The following STAG1 variants were observed in gnomAD, a reference collection of about 807,000 sequenced individuals.
STAG1 encodes cohesin subunit SA-1.
STAG1 carries 26 observed loss-of-function variants against 170.9 expected under a neutral mutation model. That is an observed-to-expected ratio of 0.15 (90% CI 0.11 to 0.21). The LOEUF (loss-of-function observed/expected upper bound fraction) is 0.21, where lower values mean the gene tolerates loss of function less well. Ranked by LOEUF, STAG1 falls within the 10% of genes least tolerant of loss-of-function variation. The pLI is 1.00. For missense variants in STAG1, 964 were observed against 1,509.5 expected, an observed-to-expected ratio of 0.64 and a Z score of 5.99; for synonymous variants, 514 against 497.7, an observed-to-expected ratio of 1.03 and a Z score of -0.44.
chr3:136,572,446 A>T (rs1056311561), intron 4 of STAG1, among the ~76,000 whole-genome samples: 4 of 151,790 alleles, frequency 2.6e-5, no homozygotes, highest in African/African-American at 9.7e-5. Flanking sequence ...TCCACGAATT[A>T]GTCAGGTGTG....
intron 16 of STAG1, among the ~76,000 whole-genome samples, chr3:136,432,524 G>GT: frequency 7.0e-6 from 1 of 143,072 alleles, no homozygotes; most frequent in South Asian, 2.4e-4. Flanking sequence ...TGGGGGGGGG[G>GT]GGGCACAGAG....
chr3:136,409,950 G>A (rs2087579684), intron 21 of STAG1, among the ~76,000 whole-genome samples: 1 of 151,566 alleles, frequency 6.6e-6, no homozygotes, highest in South Asian at 2.1e-4. Flanking sequence ...CTGCGGTGTG[G>A]TGGTGCAAGC....
chr3:136,339,191 C>T (rs538374791), intron 32 of STAG1, among the ~76,000 whole-genome samples: 1 of 152,148 alleles, frequency 6.6e-6, no homozygotes, highest in South Asian at 2.1e-4. Flanking sequence ...GGAGAGAAGC[C>T]TCAAAAGAAA....
chr3:136,432,665 C>T (rs1369618784), intron 16 of STAG1, among the ~76,000 whole-genome samples: 1 of 152,080 alleles, frequency 6.6e-6, no homozygotes, highest in Non-Finnish European at 1.5e-5. Context: ...TGCCACCCTG[C>T]CCAGCTCATT....
intron 14 of STAG1, among the ~76,000 whole-genome samples, chr3:136,447,595 CAT>C (rs1491444415): frequency 1.1e-4 from 13 of 121,412 alleles, no homozygotes; most frequent in South Asian, 5.4e-4. Context: ...AAAAGCATCA[CAT>C]TTTTTTTTTT....
At chr3:136,529,431 A>T (rs1353467365) in intron 6 of STAG1, among the ~76,000 whole-genome samples, 2 of 152,144 alleles carry the variant, frequency 1.3e-5, no homozygotes. Flanking sequence ...GACTACCAGT[A>T]AATTTCTCAG....
At chr3:136,699,409 A>C (rs571378309) in intron 1 of STAG1, among the ~76,000 whole-genome samples, 1 of 152,092 alleles carries the variant, frequency 6.6e-6, no homozygotes, top group African/African-American at 2.4e-5. Context: ...TCTTTTTTTA[A>C]AGACAGGGTC....
intron 13 of STAG1, among the ~76,000 whole-genome samples, chr3:136,464,611 A>C (rs2089399018): frequency 2.0e-5 from 3 of 152,290 alleles, no homozygotes; most frequent in Admixed American, 6.5e-5. Flanking sequence ...AGCTTTTATA[A>C]ATTTCATGCA....
intron 6 of STAG1, among the ~76,000 whole-genome samples, chr3:136,534,355 T>C (rs556996526): frequency 6.6e-6 from 1 of 152,198 alleles, no homozygotes; most frequent in South Asian, 2.1e-4. Flanking sequence ...AAATAATTTA[T>C]AGCCAAGACA....
chr3:136,691,376 G>A (rs1336610604), intron 1 of STAG1, among the ~76,000 whole-genome samples: 1 of 151,530 alleles, frequency 6.6e-6, no homozygotes, highest in Non-Finnish European at 1.5e-5. Flanking sequence ...TGGAGCTTGC[G>A]GTGAGCCAAG....
chr3:136,502,878 G>T, intron 7 of STAG1, 99 bp from the exon 8 acceptor site: 1 of 972,606 alleles, frequency 1.0e-6, no homozygotes, highest in Non-Finnish European at 1.4e-6. Flanking sequence ...TGAAACTAGT[G>T]AATTTCTGTT....
At chr3:136,736,562 C>T (rs1454331800) in intron 1 of STAG1, 2 of 1,511,196 alleles carry the variant, frequency 1.3e-6, no homozygotes, top group Middle Eastern at 2.4e-4. Flanking sequence ...CTTTCTTCCC[C>T]TTTGTATTGG....
chr3:136,418,360 C>CAAAAAAAAAAAAAAAAAAAAAAAAAAA (rs767401141), intron 20 of STAG1, among the ~76,000 whole-genome samples: 1 of 49,748 alleles, frequency 2.0e-5, no homozygotes, highest in African/African-American at 1.1e-4. Flanking sequence ...ACTCTGTCTC[C>CAAAAAAAAAAAAAAAAAAAAAAAAAAA]AAAAAAAAAA....
intron 5 of STAG1, among the ~76,000 whole-genome samples, chr3:136,552,924 T>C (rs1166116006): frequency 1.3e-5 from 2 of 151,644 alleles, no homozygotes; most frequent in Non-Finnish European, 2.9e-5. Context: ...TCAAATAAAT[T>C]TGAGAGTAAA....
At chr3:136,484,883 CTCCCTGACCCT>C (rs1481216378) in intron 9 of STAG1, among the ~76,000 whole-genome samples, 45 of 152,006 alleles carry the variant, frequency 3.0e-4, no homozygotes, top group Non-Finnish European at 4.4e-5. Flanking sequence ...GGAAAGGGAA[CTCCCTGACCCT>C]TGCGCTTCCC....
chr3:136,667,986 A>G (rs1167637864), intron 1 of STAG1, among the ~76,000 whole-genome samples: 1 of 151,912 alleles, frequency 6.6e-6, no homozygotes, highest in Non-Finnish European at 1.5e-5. Context: ...CCAGGAGGTA[A>G]GACCATCCTG....
At chr3:136,714,961 ATATT>A (rs1241723717) in intron 1 of STAG1, among the ~76,000 whole-genome samples, 9 of 64,344 alleles carry the variant, frequency 1.4e-4, no homozygotes, top group Admixed American at 3.4e-4. Flanking sequence ...ATATATATAT[ATATT>A]TTATATATAT....
intron 25 of STAG1, among the ~76,000 whole-genome samples, chr3:136,364,729 CA>C (rs1937010650): frequency 6.6e-6 from 1 of 152,118 alleles, no homozygotes; most frequent in Non-Finnish European, 1.5e-5. Context: ...AGTAAATAAT[CA>C]AAAGGTTTCA....
At position 136,693,603 on chromosome 3, in the gene STAG1, G is replaced by T. The variant is rs117701766; in HGVS notation, c.-84+58592C>A. 7.1e-4 allele frequency among the ~76,000 whole-genome samples: 108 copies of T among 152,184 alleles called. No individual in the cohort carries two copies. In the East Asian group the frequency reaches 0.018, roughly 25 times the overall value. On this transcript the variant is annotated intron_variant, in intron 1 of 33. Coordinates refer to ENST00000383202, the MANE Select transcript of STAG1 (RefSeq NM_005862.3). ...CGTAGAGCCCTAATTGTTTTCTGTG[G>T]GTGAATTTATCTGTTTTAACTGGAG...
Sources: gnomAD v4.1 joint callset for allele counts (sites outside exome capture counted in the v4.1 genomes callset) on GRCh38, gnomAD v4.1.1 for gene constraint, MANE v1.5 for transcripts, NCBI Gene and HGNC (gene_info 2026-07-23, HGNC 2026-07-21) for gene names.